Variants in KHDRBS2 observed in about 807,000 individuals in gnomAD.
KHDRBS2 encodes the protein KH RNA binding domain containing, signal transduction associated 2.
In KHDRBS2, 26 loss-of-function variants were observed where a neutral mutation model predicts 44.3. The ratio of observed to expected loss-of-function variants is 0.59; its 90% CI spans 0.43 to 0.81. KHDRBS2 has a LOEUF of 0.81. KHDRBS2 is among the 40% of genes least tolerant of loss of function. The probability of loss-of-function intolerance (pLI) is 0.00; values close to 1 mark genes in which losing one functional copy is unlikely to be tolerated. For missense variants in KHDRBS2, 476 were observed against 433.1 expected (o/e 1.10, Z -0.88); for synonymous variants, 194 against 151.1 (o/e 1.28, Z -2.08).
At chr6:61,581,655 T>A in the KHDRBS2 span, among the ~76,000 whole-genome samples, 1 of 148,732 alleles carries the variant, frequency 6.7e-6, no homozygotes, top group African/African-American at 2.4e-5. Flanking sequence ...GTTAAAAATA[T>A]AAGACAACTA....
At chr6:61,889,260 C>T (rs1298440210) in intron 6 of KHDRBS2, among the ~76,000 whole-genome samples, 2 of 152,122 alleles carry the variant, frequency 1.3e-5, no homozygotes, top group African/African-American at 4.8e-5. Flanking sequence ...GAGATCCAAA[C>T]CTCAAAGTGT....
Position 61,902,399 on chromosome 6 carries a change from T to TA in KHDRBS2, c.484-1029dup, listed in dbSNP as rs140091614. ...GACTTTTCCTTTATCAGGGTGGAAA[T>TA]ACACCAGCCAATTCAAGAGGACCCA... On this transcript the variant is annotated intron_variant, in intron 4 of 8. Coordinates refer to ENST00000281156, the MANE Select transcript of KHDRBS2 (RefSeq NM_152688.4). Among the ~76,000 whole-genome samples, 1,087 of 152,202 alleles carry TA rather than the reference T, an allele frequency of 7.1e-3. 37 individuals are homozygous for TA. The highest frequency in any genetic ancestry group is 0.06 in the Admixed American group (920 of 15,278).
chr6:61,986,428 G>T (rs1775064545), intron 3 of KHDRBS2, among the ~76,000 whole-genome samples: 1 of 152,086 alleles, frequency 6.6e-6, no homozygotes, highest in Non-Finnish European at 1.5e-5. Flanking sequence ...AAAATTAAAT[G>T]TTACTTTGGT....
At chr6:62,061,008 T>G (rs187892221) in intron 2 of KHDRBS2, among the ~76,000 whole-genome samples, 1 of 152,062 alleles carries the variant, frequency 6.6e-6, no homozygotes, top group Non-Finnish European at 1.5e-5. Context: ...TTGCCTTTTT[T>G]TGTTTTCCAT....
chr6:62,047,505 C>T (rs1398834631), intron 3 of KHDRBS2, among the ~76,000 whole-genome samples: 5 of 151,524 alleles, frequency 3.3e-5, no homozygotes, highest in Non-Finnish European at 7.4e-5. Flanking sequence ...GAGAATGATA[C>T]AATGGATGTT....
chr6:62,125,564 C>T (rs752090706), intron 2 of KHDRBS2, among the ~76,000 whole-genome samples: 1 of 152,182 alleles, frequency 6.6e-6, no homozygotes, highest in African/African-American at 2.4e-5. Flanking sequence ...CCAGGCAGCA[C>T]AGCTTCAAAA....
At chr6:62,222,878 C>T (rs1160524277) in intron 1 of KHDRBS2, among the ~76,000 whole-genome samples, 5 of 152,206 alleles carry the variant, frequency 3.3e-5, no homozygotes, top group African/African-American at 9.6e-5. Flanking sequence ...AGCTCCACCC[C>T]TGTGGCTTTG....
intron 2 of KHDRBS2, among the ~76,000 whole-genome samples, chr6:62,052,494 G>A (rs1230934580): frequency 6.6e-6 from 1 of 151,322 alleles, no homozygotes; most frequent in Non-Finnish European, 1.5e-5. Context: ...AGGATAAAAT[G>A]TAGGAGATAT....
intron 4 of KHDRBS2, among the ~76,000 whole-genome samples, chr6:61,968,949 G>T (rs1052890977): frequency 1.3e-5 from 2 of 151,680 alleles, no homozygotes; most frequent in African/African-American, 4.8e-5. Flanking sequence ...ATAAAAGAAA[G>T]AAAAAAATAA....
chr6:61,850,619 A>G (rs1795277523), intron 6 of KHDRBS2, among the ~76,000 whole-genome samples: 2 of 152,222 alleles, frequency 1.3e-5, no homozygotes, highest in Admixed American at 6.5e-5. Flanking sequence ...GTCATTTGAC[A>G]CAAAATTTAT....
intron 7 of KHDRBS2, among the ~76,000 whole-genome samples, chr6:61,707,081 G>GA (rs1769712844): frequency 6.6e-6 from 1 of 151,592 alleles, no homozygotes; most frequent in South Asian, 2.1e-4. Context: ...ACATTACACT[G>GA]AAAAAAGACC....
At chr6:61,806,744 CA>C (rs1197394480) in intron 6 of KHDRBS2, among the ~76,000 whole-genome samples, 26 of 150,380 alleles carry the variant, frequency 1.7e-4, no homozygotes, top group African/African-American at 4.9e-4. Flanking sequence ...TCTATTATTT[CA>C]AAAAAAAGGC....
At chr6:61,632,755 C>A in the KHDRBS2 span, among the ~76,000 whole-genome samples, 2 of 152,090 alleles carry the variant, frequency 1.3e-5, no homozygotes, top group African/African-American at 4.8e-5. Flanking sequence ...AGGGGTGGTT[C>A]ACCTCAAATT....
At chr6:62,281,821 T>A (rs1841850890) in intron 1 of KHDRBS2, among the ~76,000 whole-genome samples, 1 of 152,172 alleles carries the variant, frequency 6.6e-6, no homozygotes, top group South Asian at 2.1e-4. Flanking sequence ...ATCCTTTATT[T>A]CCCAGTAGGT....
chr6:62,249,030 T>A (rs1836090905), intron 1 of KHDRBS2, among the ~76,000 whole-genome samples: 1 of 152,076 alleles, frequency 6.6e-6, no homozygotes, highest in African/African-American at 2.4e-5. Context: ...TTCAGGAAAA[T>A]GTCTGTGGAA....
chr6:62,068,910 A>G (rs1323077732), intron 2 of KHDRBS2, among the ~76,000 whole-genome samples: 2 of 151,678 alleles, frequency 1.3e-5, no homozygotes, highest in Non-Finnish European at 3.0e-5. Flanking sequence ...TTTGTAGTAT[A>G]TTTTGAAATT....
At chr6:62,194,108 C>T (rs184268054) in intron 1 of KHDRBS2, among the ~76,000 whole-genome samples, 41 of 152,098 alleles carry the variant, frequency 2.7e-4, no homozygotes, top group Admixed American at 1.2e-3. Context: ...TTTTTCTTTG[C>T]CATTTAACTT....
chr6:61,753,587 G>A (rs535156905), intron 6 of KHDRBS2, among the ~76,000 whole-genome samples: 6 of 152,142 alleles, frequency 3.9e-5, no homozygotes, highest in South Asian at 2.1e-4. Context: ...TGTAGTGTTC[G>A]AATTTTTATT....
At chr6:61,692,640 A>G (rs1388944392) in intron 8 of KHDRBS2, among the ~76,000 whole-genome samples, 1 of 152,134 alleles carries the variant, frequency 6.6e-6, no homozygotes, top group East Asian at 1.9e-4. Flanking sequence ...AACATAATGT[A>G]TGAAGATTTA....
Sources: gnomAD v4.1 joint callset for allele counts (sites outside exome capture counted in the v4.1 genomes callset) on GRCh38, gnomAD v4.1.1 for gene constraint, MANE v1.5 for transcripts, NCBI Gene and HGNC (gene_info 2026-07-23, HGNC 2026-07-21) for gene names.